Variants in KNTC1 observed in about 807,000 individuals in gnomAD.
The protein encoded by KNTC1 is kinetochore-associated protein 1.
A neutral mutation model predicts 314.4 loss-of-function variants in KNTC1; 253 were observed. That is an observed-to-expected ratio of 0.80 (90% CI 0.73 to 0.89). The LOEUF (loss-of-function observed/expected upper bound fraction) is 0.89. Among genes scored for constraint, KNTC1 ranks in the 40% least tolerant of loss-of-function variants. KNTC1 has a pLI of 0.00. For missense variants in KNTC1, 2,475 were observed against 2,572.9 expected, an observed-to-expected ratio of 0.96 and a Z score of 0.82; for synonymous variants, 901 against 901.4, an observed-to-expected ratio of 1.00 and a Z score of 0.01.
chr12:122,593,107 T>C lies in KNTC1; in HGVS notation c.4246-1169T>C, dbSNP rs980881265. The C allele has an allele frequency of 3.1e-5, 5 of 163,492 alleles. No homozygotes were observed. The Admixed American group carries it at 3.2e-4, about 11-fold the overall frequency. The allele number at this position is 163,492 out of a possible 1,614,324, so 10.1% of individuals were successfully genotyped here. A position where few individuals can be genotyped will look rare whatever the true frequency, so the allele number is the denominator to read the frequency against. On this transcript the variant is annotated intron_variant, in intron 42 of 63. Coordinates refer to ENST00000333479, the MANE Select transcript of KNTC1 (RefSeq NM_014708.6). ...AAGAAACTCCCAACACATCTGAACA[T>C]CAGAAGGAACAAACTCCAGACGCGC...
rs143651637 is a variant in KNTC1, at chr12:122,561,389, T to G, written c.1489-532T>G. ...TCATAGACCTTTTTTGGCATGCAAT[T>G]TTTGCAATTGCAAATAATGTCATTT... On this transcript the variant is annotated intron_variant, in intron 18 of 63. Transcript: ENST00000333479. Among the ~76,000 whole-genome samples the G allele has an allele frequency of 4.7e-3, 715 of 152,142 alleles. 17 individuals carry two copies. Among genetic ancestry groups the G allele is most frequent in the East Asian group, 0.018 (95 of 5,180 alleles).
chr12:122,595,002 A>G (rs1049615870), intron 43 of KNTC1, among the ~76,000 whole-genome samples: 4 of 152,052 alleles, frequency 2.6e-5, no homozygotes, highest in African/African-American at 7.2e-5. Context: ...CAACCTCCCA[A>G]GTAGCTGGAA....
intron 16 of KNTC1, among the ~76,000 whole-genome samples, chr12:122,556,560 G>A (rs958538745): frequency 1.4e-5 from 2 of 140,182 alleles, no homozygotes; most frequent in African/African-American, 2.7e-5. Flanking sequence ...TGCAAGCTCC[G>A]CCTCCCGGGT....
chr12:122,608,952 A>G (rs1278860754), intron 51 of KNTC1, among the ~76,000 whole-genome samples: 2 of 152,020 alleles, frequency 1.3e-5, no homozygotes, highest in African/African-American at 4.8e-5. Context: ...CCAGCTACTT[A>G]GGAGGCTGAG....
chr12:122,528,207 G>GGT (rs1250667853), intron 1 of KNTC1, among the ~76,000 whole-genome samples: 5 of 152,140 alleles, frequency 3.3e-5, no homozygotes. Context: ...GGGAAATTGA[G>GGT]ACCCATAAAG....
intron 3 of KNTC1, 65 bp downstream of exon 3, chr12:122,534,849 T>C: frequency 6.8e-7 from 1 of 1,478,020 alleles, no homozygotes. Context: ...TGCCAATTTC[T>C]GCTGGATTGC....
At chr12:122,568,578 T>C (rs1176313091) in intron 21 of KNTC1, among the ~76,000 whole-genome samples, 1 of 152,244 alleles carries the variant, frequency 6.6e-6, no homozygotes, top group Non-Finnish European at 1.5e-5. Flanking sequence ...GGCTCACGCC[T>C]ATAATCCCAG....
chr12:122,556,327 A>G (rs1963589595), intron 16 of KNTC1, among the ~76,000 whole-genome samples: 1 of 151,514 alleles, frequency 6.6e-6, no homozygotes, highest in African/African-American at 2.4e-5. Flanking sequence ...TCTTTTAGCA[A>G]TTTTGAAATA....
In KNTC1 at chr12:122,571,933, A is replaced by C. The variant is rs1351988377; in HGVS notation, c.2019+807A>C. 2.6e-5 allele frequency among the ~76,000 whole-genome samples: 4 copies of C among 151,814 alleles called. No individual in the cohort carries two copies. The East Asian group carries it at 7.8e-4, about 30-fold the overall frequency. On this transcript the variant is annotated intron_variant, in intron 24 of 63. Transcript: ENST00000333479. ...GATGATCTGCACTGCTCGGCCTCCCAAAGTGCTGGATTACAGGCATGAGCC... is the reference window on the plus strand; with the variant it reads ...GATGATCTGCACTGCTCGGCCTCCCCAAGTGCTGGATTACAGGCATGAGCC...
intron 18 of KNTC1, among the ~76,000 whole-genome samples, chr12:122,559,515 T>C (rs1485384665): frequency 1.3e-5 from 2 of 152,212 alleles, no homozygotes; most frequent in Non-Finnish European, 2.9e-5. Flanking sequence ...CCCCCAATTT[T>C]GTTTATATTT....
chr12:122,569,893 T>A, intron 22 of KNTC1, 69 bp downstream of exon 22: 1 of 1,422,940 alleles, frequency 7.0e-7, no homozygotes, highest in Non-Finnish European at 9.6e-7. Context: ...CATTGAGAAT[T>A]AAGTCACGTT....
rs190591658 is a variant in KNTC1 at position 122,605,011 on chromosome 12, A to G, written c.5310A>G (p.Ala1770=). The change falls in exon 50 of 64, where the codon GCA becomes GCG. Residue 1770 remains alanine, a synonymous_variant. Coordinates refer to ENST00000333479, the MANE Select transcript of KNTC1 (RefSeq NM_014708.6). ...EEYLRVIGKP[A]HLIVSLYEHP... The stretch of plus-strand genomic sequence containing the variant: ...ATTTAAGAGTGATCGGAAAGCCAGC[A>G]CATCTTATTGTCAGTCTCTACGAAC... The G allele has an allele frequency of 5.3e-5, 86 of 1,613,414 alleles. No homozygotes were observed. The highest frequency in any genetic ancestry group is 3.3e-4 in the Middle Eastern group (2 of 6,046).
Position 122,551,650 on chromosome 12 carries a change from T to C in KNTC1, c.1226T>C (p.Phe409Ser). ...RLSRLLHKHRFAEAESFAIQF... is the reference protein window; with the variant it reads ...RLSRLLHKHRSAEAESFAIQF... ...AGTCGGTTACTTCACAAACACAGAT[T>C]TGCTGAAGCTGAGAGTTTTGCCATT... The change falls in exon 16 of 64, where the codon TTT (phenylalanine) becomes TCT (serine). Residue 409 changes from phenylalanine to serine, a missense_variant. Transcript: ENST00000333479. The C allele has an allele frequency of 1.2e-6, 2 of 1,613,922 alleles. No homozygotes were observed. The highest frequency in any genetic ancestry group is 1.7e-6 in the Non-Finnish European group (2 of 1,179,842).
intron 27 of KNTC1, among the ~76,000 whole-genome samples, chr12:122,574,867 T>C (rs1007527297): frequency 6.6e-6 from 1 of 152,256 alleles, no homozygotes; most frequent in Non-Finnish European, 1.5e-5. Flanking sequence ...TTCGCTGCAA[T>C]GTGAGACATT....
intron 16 of KNTC1, among the ~76,000 whole-genome samples, chr12:122,554,064 T>TAAAAA (rs71085821): frequency 8.0e-4 from 98 of 122,534 alleles, no homozygotes; most frequent in African/African-American, 2.2e-3. Flanking sequence ...AATACTTCCT[T>TAAAAA]AAAAAAAAAA....
intron 39 of KNTC1, 117 bp downstream of exon 39, chr12:122,587,991 CG>C (rs1869616948): frequency 1.2e-6 from 1 of 821,708 alleles, no homozygotes; most frequent in East Asian, 2.9e-5. Flanking sequence ...ATTGGTAATT[CG>C]TCAGATTTAA....
At chr12:122,625,172 A>G (rs1444682251) in intron 63 of KNTC1, among the ~76,000 whole-genome samples, 2 of 151,888 alleles carry the variant, frequency 1.3e-5, no homozygotes, top group African/African-American at 4.8e-5. Context: ...TGGGAGGCCA[A>G]GGGGCAGATT....
chr12:122,575,519 T>C lies in KNTC1; in HGVS notation c.2383-24T>C, dbSNP rs1301436756. 11 of 1,526,766 alleles carry C rather than the reference T, an allele frequency of 7.2e-6. No homozygotes were observed. In the Admixed American group the frequency reaches 1.2e-4, roughly 16 times the overall value. 94.6% of individuals were successfully genotyped at this position (1,526,766 alleles called of 1,614,324 possible). The stretch of plus-strand genomic sequence containing the variant: ...CATCGTAAACCTGAGGGCTGTTCCT[T>C]GTCCATGCGTGCATCTTTTGTAGCT... On this transcript the variant is annotated intron_variant, in intron 27 of 63. Coordinates refer to ENST00000333479, the MANE Select transcript of KNTC1 (RefSeq NM_014708.6).
In KNTC1 at chr12:122,602,893, G is replaced by C; in HGVS notation, c.4884+6G>C. The stretch of plus-strand genomic sequence containing the variant: ...TAATTTCGAAATTAATGAAGGTAAT[G>C]GATTAAAACATTGTAAGACATTTCT... On this transcript the variant is annotated splice_donor_region_variant and intron_variant, in intron 47 of 63. Coordinates refer to ENST00000333479, the MANE Select transcript of KNTC1 (RefSeq NM_014708.6). 1 of 1,595,972 alleles carries C rather than the reference G, an allele frequency of 6.3e-7. No individual in the cohort carries two copies. The highest frequency in any genetic ancestry group is 8.6e-7 in the Non-Finnish European group (1 of 1,164,304).
Sources: allele counts gnomAD v4.1 joint callset (sites outside exome capture counted in the v4.1 genomes callset), GRCh38; gene constraint gnomAD v4.1.1; transcripts MANE v1.5; gene names NCBI Gene and HGNC (gene_info 2026-07-23, HGNC 2026-07-21).